OGDH: variants seen among roughly 807,000 people sequenced by gnomAD.
The protein encoded by OGDH is oxoglutarate dehydrogenase.
OGDH carries 38 observed loss-of-function variants against 116.6 expected under a neutral mutation model. That is an observed-to-expected ratio of 0.33 (90% CI 0.25 to 0.43). OGDH has a LOEUF of 0.43. Among genes scored for constraint, OGDH ranks in the 20% least tolerant of loss-of-function variants. The pLI is 1.00. For synonymous variants in OGDH, 488 were observed against 533.3 expected (o/e 0.92, Z 1.17); for missense variants, 825 against 1,357.2 (o/e 0.61, Z 6.16).
chr7:44,683,908 TC>T (rs1454518880), intron 10 of OGDH, among the ~76,000 whole-genome samples: 2 of 152,172 alleles, frequency 1.3e-5, no homozygotes, highest in Admixed American at 6.5e-5. Context: ...CTAGGCACTC[TC>T]CTAGGTACCA....
intron 10 of OGDH, among the ~76,000 whole-genome samples, chr7:44,688,084 C>T (rs192657900): frequency 2.0e-5 from 3 of 152,174 alleles, no homozygotes. Context: ...AATAATGCTG[C>T]TGTGGGCTGG....
At position 44,697,861 on chromosome 7, in the gene OGDH, G is replaced by A. The variant is rs1430327866; in HGVS notation, c.2358+79G>A. Reference sequence around the variant, plus strand: ...GGACCCTGACCCCAAAGACTGGCACGAGAGCCAGTGGCTCACACCAGCCTC... The same window carrying A: ...GGACCCTGACCCCAAAGACTGGCACAAGAGCCAGTGGCTCACACCAGCCTC... On this transcript the variant is annotated intron_variant, in intron 17 of 22. Coordinates refer to ENST00000222673, the MANE Select transcript of OGDH (RefSeq NM_002541.4). This position sits in a 1 kb window ranked among gnomAD's most constrained non-coding sequence, Gnocchi z 6.0. The A allele has an allele frequency of 1.8e-5, 26 of 1,472,528 alleles. No individual in the cohort carries two copies. The highest frequency in any genetic ancestry group is 2.8e-5 in the African/African-American group (2 of 71,094). The allele number at this position is 1,472,528 out of a possible 1,614,324, so 91.2% of individuals were successfully genotyped here. A position where few individuals can be genotyped will look rare whatever the true frequency, so the allele number is the denominator to read the frequency against.
At chr7:44,606,908 G>C (rs928494840) in intron 1 of OGDH, among the ~76,000 whole-genome samples, 8 of 152,052 alleles carry the variant, frequency 5.3e-5, no homozygotes, top group Non-Finnish European at 1.2e-4. Context: ...GTACGGGCGG[G>C]CTCCGAGGTC....
chr7:44,623,238 C>A (rs1371861310), intron 1 of OGDH, among the ~76,000 whole-genome samples: 4 of 152,112 alleles, frequency 2.6e-5, no homozygotes, highest in Non-Finnish European at 4.4e-5. Flanking sequence ...TGCAGTGCCT[C>A]GTCTTCCCTC....
At chr7:44,626,802 C>T (rs1262614540) in intron 2 of OGDH, among the ~76,000 whole-genome samples, 1 of 152,114 alleles carries the variant, frequency 6.6e-6, no homozygotes, top group East Asian at 1.9e-4. Context: ...GAATCACATG[C>T]ATGCTCTGCC....
chr7:44,617,219 C>T (rs1784841041), intron 1 of OGDH, among the ~76,000 whole-genome samples: 2 of 151,872 alleles, frequency 1.3e-5, no homozygotes, highest in Admixed American at 6.6e-5. Flanking sequence ...AGGCATGAAC[C>T]ACCATACCCA....
At chr7:44,698,009 C>T (rs1788660383) in intron 17 of OGDH, among the ~76,000 whole-genome samples, 183 bp from the exon 18 acceptor site, 1 of 152,198 alleles carries the variant, frequency 6.6e-6, no homozygotes, top group Admixed American at 6.5e-5. Flanking sequence ...CCTAGATGCA[C>T]AGGCGTCCAA....
chr7:44,650,892 A>G (rs1379162687), intron 4 of OGDH, among the ~76,000 whole-genome samples: 2 of 152,190 alleles, frequency 1.3e-5, no homozygotes, highest in East Asian at 1.9e-4. Flanking sequence ...CCCCAGAGCT[A>G]GGATTCTTGC....
intron 1 of OGDH, among the ~76,000 whole-genome samples, chr7:44,607,241 C>T (rs1288973374): frequency 1.3e-5 from 2 of 152,230 alleles, no homozygotes; most frequent in Non-Finnish European, 2.9e-5. Context: ...CACCTGCTGC[C>T]AGAAGTTGGG....
intron 18 of OGDH, among the ~76,000 whole-genome samples, chr7:44,699,862 C>T (rs1788751458): frequency 6.6e-6 from 1 of 151,984 alleles, no homozygotes; most frequent in South Asian, 2.1e-4. Context: ...GTCACATGGC[C>T]AGAGCAGGAG....
rs531088290 is a variant in OGDH, at chr7:44,619,466, T to C, written c.-27-4851T>C. On this transcript the variant is annotated intron_variant, in intron 1 of 22. Coordinates refer to ENST00000222673, the MANE Select transcript of OGDH (RefSeq NM_002541.4). ...CAGAAATCTTCTGTGTTGGTTGTTGTGTGAGAGCAGAGGAATAGACTCATA... is the reference window on the plus strand; with the variant it reads ...CAGAAATCTTCTGTGTTGGTTGTTGCGTGAGAGCAGAGGAATAGACTCATA... Among the ~76,000 whole-genome samples the C allele has an allele frequency of 2.4e-4, 37 of 152,324 alleles. 1 individual carries two copies. Among genetic ancestry groups the C allele is most frequent in the African/African-American group, 8.4e-4 (35 of 41,566 alleles).
Position 44,624,230 on chromosome 7 carries a change from A to G in OGDH, c.-27-87A>G. 4.6e-6 allele frequency: 4 copies of G among 867,540 alleles called. No homozygotes were observed. The South Asian group carries it at 6.5e-5, about 14-fold the overall frequency. The allele number at this position is 867,540 out of a possible 1,614,324, so 53.7% of individuals were successfully genotyped here. A position where few individuals can be genotyped will look rare whatever the true frequency, so the allele number is the denominator to read the frequency against. On this transcript the variant is annotated intron_variant, in intron 1 of 22. Transcript: ENST00000222673. ...TTTAAAAAAAAATTATCCTTTCTCT[A>G]GAGCATCAGGATCTAGTAGCCTTGT...
At chr7:44,675,922 CTG>C in intron 8 of OGDH, 46 bp from the exon 9 acceptor site, 1 of 1,582,018 alleles carries the variant, frequency 6.3e-7, no homozygotes, top group Non-Finnish European at 8.7e-7. Flanking sequence ...CTTTTGGAGA[CTG>C]AGCATCTCCT....
chr7:44,629,769 G>A (rs368200922), intron 2 of OGDH, among the ~76,000 whole-genome samples: 21 of 151,824 alleles, frequency 1.4e-4, no homozygotes, highest in African/African-American at 4.8e-4. Flanking sequence ...TAATAAAGAC[G>A]GGGTTTCACC....
chr7:44,611,523 G>A (rs1368142493), intron 1 of OGDH, among the ~76,000 whole-genome samples: 4 of 150,906 alleles, frequency 2.7e-5, no homozygotes, highest in Admixed American at 6.6e-5. Context: ...GATCCCCCCC[G>A]CCTCGGCCTC....
At position 44,697,584 on chromosome 7, in the gene OGDH, C is replaced by T; in HGVS notation, c.2180-20C>T. ...GCTGGTGTCCTGGACATGGTTTTCTCCTTCCTTTGTCCCTTGTAGGCTTTG... is the reference window on the plus strand; with the variant it reads ...GCTGGTGTCCTGGACATGGTTTTCTTCTTCCTTTGTCCCTTGTAGGCTTTG... On this transcript the variant is annotated intron_variant, in intron 16 of 22. Transcript: ENST00000222673. The surrounding 1 kb of genome is among the most constrained non-coding windows in gnomAD (Gnocchi z 6.0). 6.2e-7 allele frequency: 1 copy of T among 1,614,106 alleles called. No individual in the cohort carries two copies. The highest frequency in any genetic ancestry group is 1.1e-5 in the South Asian group (1 of 91,086).
At chr7:44,690,936 T>G (rs1157840467) in intron 10 of OGDH, among the ~76,000 whole-genome samples, 1 of 152,248 alleles carries the variant, frequency 6.6e-6, no homozygotes, top group Non-Finnish European at 1.5e-5. Flanking sequence ...TACACCATTT[T>G]TTTTTTAATC....
chr7:44,674,947 C>T (rs1385802768), intron 7 of OGDH, among the ~76,000 whole-genome samples: 1 of 152,144 alleles, frequency 6.6e-6, no homozygotes, highest in Admixed American at 6.5e-5. Context: ...AGCCTCAGGC[C>T]CATGGCATTG....
chr7:44,664,904 G>A (rs965409344), intron 4 of OGDH, among the ~76,000 whole-genome samples: 2 of 152,116 alleles, frequency 1.3e-5, no homozygotes, highest in African/African-American at 4.8e-5. Flanking sequence ...TGAGGTCAAG[G>A]GATATCTGTA....
Sources: gnomAD v4.1 joint callset for allele counts (sites outside exome capture counted in the v4.1 genomes callset) on GRCh38, gnomAD v4.1.1 for gene constraint, Gnocchi (gnomAD v3.1) non-coding constraint, MANE v1.5 for transcripts, NCBI Gene and HGNC (gene_info 2026-07-23, HGNC 2026-07-21) for gene names.